MSI2: variants seen among roughly 807,000 people sequenced by gnomAD.
The protein encoded by MSI2 is musashi RNA binding protein 2, also known as RNA-binding protein Musashi homolog 2.
MSI2 carries 17 observed loss-of-function variants against 45.6 expected under a neutral mutation model. That is an observed-to-expected ratio of 0.37 (90% CI 0.26 to 0.56). The LOEUF (loss-of-function observed/expected upper bound fraction) is 0.56, where lower values mean the gene tolerates loss of function less well. Ranked by LOEUF, MSI2 falls within the 20% of genes least tolerant of loss-of-function variation. The pLI is 0.77. For missense variants in MSI2, 293 were observed against 444.2 expected (o/e 0.66, Z 3.06); for synonymous variants, 156 against 158.2 (o/e 0.99, Z 0.11).
At chr17:57,429,514 C>T (rs1393715949) in intron 6 of MSI2, among the ~76,000 whole-genome samples, 2 of 152,120 alleles carry the variant, frequency 1.3e-5, no homozygotes, top group South Asian at 4.1e-4. Flanking sequence ...GAAGTAAGGA[C>T]CATCTGTTAG....
At chr17:57,519,041 C>T (rs1044382790) in intron 6 of MSI2, among the ~76,000 whole-genome samples, 2 of 152,212 alleles carry the variant, frequency 1.3e-5, no homozygotes, top group African/African-American at 2.4e-5. Context: ...CTTGGGCCCA[C>T]GGCTTTGCAA....
chr17:57,623,894 G>A (rs934187765), intron 9 of MSI2, among the ~76,000 whole-genome samples: 5 of 152,214 alleles, frequency 3.3e-5, no homozygotes, highest in Admixed American at 1.3e-4. Context: ...ATAAATTTAT[G>A]ATTTCATCTG....
intron 8 of MSI2, among the ~76,000 whole-genome samples, chr17:57,612,547 C>CAG: frequency 3.5e-5 from 1 of 28,308 alleles, no homozygotes; most frequent in Non-Finnish European, 1.1e-4. Flanking sequence ...GCGCCATGGC[C>CAG]CCTGGCCTTG....
At chr17:57,546,753 G>C (rs1390875931) in intron 7 of MSI2, among the ~76,000 whole-genome samples, 1 of 152,252 alleles carries the variant, frequency 6.6e-6, no homozygotes, top group Non-Finnish European at 1.5e-5. Context: ...CTGTGGGGCA[G>C]AGTGAAACCC....
Position 57,295,218 on chromosome 17 carries a change from C to G in MSI2, c.312+33026C>G, listed in dbSNP as rs139471097. Among the ~76,000 whole-genome samples, 6 of 152,302 alleles carry G rather than the reference C, an allele frequency of 3.9e-5. No individual in the cohort carries two copies. In the East Asian group the frequency reaches 1.2e-3, roughly 29 times the overall value. ...GCTGCCCACTTCTTTCCCCAAGCCT[C>G]TGTCACTCAGGAGAATTAATACGCC... On this transcript the variant is annotated intron_variant, in intron 5 of 13. Transcript: ENST00000284073.
At chr17:57,605,212 TCA>T (rs1327866728) in intron 8 of MSI2, among the ~76,000 whole-genome samples, 1 of 152,136 alleles carries the variant, frequency 6.6e-6, no homozygotes, top group Non-Finnish European at 1.5e-5. Context: ...CCCCCACGCA[TCA>T]CACACGCAAG....
intron 5 of MSI2, among the ~76,000 whole-genome samples, chr17:57,308,583 T>C (rs1329633056): frequency 6.6e-6 from 1 of 152,202 alleles, no homozygotes; most frequent in Non-Finnish European, 1.5e-5. Context: ...TCCCCTGACC[T>C]TGTCATTTCA....
At chr17:57,697,040 G>A in the MSI2 span, among the ~76,000 whole-genome samples, 1 of 152,128 alleles carries the variant, frequency 6.6e-6, no homozygotes, top group African/African-American at 2.4e-5. Flanking sequence ...GGGGGTGTGA[G>A]GTTTAGACCA....
chr17:57,600,318 C>A (rs1905726235), intron 8 of MSI2, among the ~76,000 whole-genome samples: 1 of 152,192 alleles, frequency 6.6e-6, no homozygotes, highest in Non-Finnish European at 1.5e-5. Flanking sequence ...GATAGCTGCA[C>A]CCCCTGGTAC....
chr17:57,498,252 C>A (rs982380982), intron 6 of MSI2, among the ~76,000 whole-genome samples: 1 of 152,240 alleles, frequency 6.6e-6, no homozygotes, highest in African/African-American at 2.4e-5. Context: ...GGAAAAAAAT[C>A]TCAATACCCC....
intron 5 of MSI2, among the ~76,000 whole-genome samples, chr17:57,312,137 C>T (rs368002411): frequency 1.1e-3 from 161 of 152,318 alleles, no homozygotes; most frequent in Middle Eastern, 3.4e-3. Context: ...CAGGGAGAGG[C>T]CCTTGGCCTT....
In MSI2 at chr17:57,358,893, G is replaced by A. The variant is rs1916631516; in HGVS notation, c.313-42486G>A. ...CCCTAGCAACGTATCATCTTTTGAG[G>A]AGTGTTCCTCATACTTTGAGATTGG... On this transcript the variant is annotated intron_variant, in intron 5 of 13. Transcript: ENST00000284073. Among the ~76,000 whole-genome samples, 3 of 152,120 alleles carry A rather than the reference G, an allele frequency of 2.0e-5. No homozygotes were observed. In the South Asian group the frequency reaches 6.2e-4, roughly 32 times the overall value.
At chr17:57,315,978 G>A (rs2143636800) in intron 5 of MSI2, among the ~76,000 whole-genome samples, 2 of 152,166 alleles carry the variant, frequency 1.3e-5, no homozygotes, top group South Asian at 4.2e-4. Context: ...ACAGTAAACA[G>A]GAGAGGGCTT....
At chr17:57,420,796 C>T (rs2084381288) in intron 6 of MSI2, among the ~76,000 whole-genome samples, 2 of 152,206 alleles carry the variant, frequency 1.3e-5, no homozygotes, top group African/African-American at 4.8e-5. Flanking sequence ...TTAATTTCCT[C>T]AACAGCAGGT....
chr17:57,440,413 C>CATGTGT (rs1491418144), intron 6 of MSI2, among the ~76,000 whole-genome samples: 7 of 104,530 alleles, frequency 6.7e-5, no homozygotes, highest in Admixed American at 1.1e-4. Context: ...GTTTGTTATC[C>CATGTGT]GTGTGTGTGT....
intron 6 of MSI2, among the ~76,000 whole-genome samples, chr17:57,427,369 G>C (rs1188813063): frequency 6.6e-6 from 1 of 151,538 alleles, no homozygotes; most frequent in Non-Finnish European, 1.5e-5. Context: ...CTGCACTCCA[G>C]CCTGGGTGAC....
chr17:57,312,208 T>C (rs1912457521), intron 5 of MSI2, among the ~76,000 whole-genome samples: 1 of 152,228 alleles, frequency 6.6e-6, no homozygotes, highest in South Asian at 2.1e-4. Context: ...ATAGTTTCTT[T>C]TCGAGAGAAC....
intron 6 of MSI2, among the ~76,000 whole-genome samples, chr17:57,484,022 A>G (rs1253657340): frequency 6.6e-6 from 1 of 152,206 alleles, no homozygotes; most frequent in East Asian, 1.9e-4. Flanking sequence ...GGTTTTACAA[A>G]TGGAGAAACG....
rs1258168560 is a variant in MSI2 at position 57,596,848 on chromosome 17, TTC to T, written c.455-12_455-11del. On this transcript the variant is annotated intron_variant, in intron 7 of 13. Coordinates refer to ENST00000284073, the MANE Select transcript of MSI2 (RefSeq NM_138962.4). The surrounding 1 kb of genome is among the most constrained non-coding windows in gnomAD (Gnocchi z 4.6). The stretch of plus-strand genomic sequence containing the variant: ...TCACCCCGCCTCTCTTTGTTTTTTC[TTC>T]TCTCTCTTTTCCTTTAGGGTTTGGC... 10 of 1,594,950 alleles carry T rather than the reference TTC, an allele frequency of 6.3e-6. No individual in the cohort carries two copies. Among genetic ancestry groups the T allele is most frequent in the Admixed American group, 3.3e-5 (2 of 59,990 alleles).
Sources: allele counts gnomAD v4.1 joint callset (sites outside exome capture counted in the v4.1 genomes callset), GRCh38; gene constraint gnomAD v4.1.1; non-coding constraint Gnocchi (gnomAD v3.1); transcripts MANE v1.5; gene names NCBI Gene and HGNC (gene_info 2026-07-23, HGNC 2026-07-21).